Variants in CFAP57 observed in about 807,000 individuals in gnomAD.
CFAP57 encodes the protein cilia- and flagella-associated protein 57.
CFAP57 carries 116 observed loss-of-function variants against 146.8 expected under a neutral mutation model. The ratio of observed to expected loss-of-function variants is 0.79; its 90% CI spans 0.68 to 0.92. CFAP57 has a LOEUF of 0.92. Ranked by LOEUF, CFAP57 falls within the 40% of genes least tolerant of loss-of-function variation. CFAP57 has a pLI of 0.00. For synonymous variants in CFAP57, 518 were observed against 552.8 expected (o/e 0.94, Z 0.88); for missense variants, 1,377 against 1,527.2 (o/e 0.90, Z 1.64).
chr1:43,206,789 G>A lies in CFAP57; in HGVS notation c.1612G>A (p.Glu538Lys). 6.2e-7 allele frequency: 1 copy of A among 1,614,066 alleles called. No individual in the cohort carries two copies. Among genetic ancestry groups the A allele is most frequent in the Non-Finnish European group, 8.5e-7 (1 of 1,180,026 alleles). The change falls in exon 10 of 23, where the codon GAA becomes AAA. Residue 538 changes from glutamate (E) to lysine (K), a missense_variant. Physicochemically the swap from Glu to Lys is moderately conservative, Grantham distance 56 (BLOSUM62 1). Coordinates refer to ENST00000372492, the MANE Select transcript of CFAP57 (RefSeq NM_001378189.1). The stretch of plus-strand genomic sequence containing the variant: ...TGGTGGCACAGATGGTGCTGTGTAT[G>A]AATGGAATCTGTCCACAGGAAAGAG... Reference protein sequence around the residue: ...ISGGTDGAVYEWNLSTGKRET... With the variant: ...ISGGTDGAVYKWNLSTGKRET...
In CFAP57 at chr1:43,172,388, T is replaced by C. The variant is rs1446045693; in HGVS notation, c.-85T>C. The C allele has an allele frequency of 1.3e-6, 2 of 1,551,326 alleles. No homozygotes were observed. Among genetic ancestry groups the C allele is most frequent in the African/African-American group, 2.7e-5 (2 of 72,950 alleles). On this transcript the variant is annotated 5_prime_UTR_variant, in exon 1 of 23. Transcript: ENST00000372492. Reference sequence around the variant, plus strand: ...CGGCGTTTGAAAGTGTCCGGGTTGCTTAGGATCCCTACAGGTAGCGCCTCT... The same window carrying C: ...CGGCGTTTGAAAGTGTCCGGGTTGCCTAGGATCCCTACAGGTAGCGCCTCT...
chr1:43,195,148 T>A (rs1266696046), intron 6 of CFAP57, among the ~76,000 whole-genome samples: 1 of 152,084 alleles, frequency 6.6e-6, no homozygotes, highest in Non-Finnish European at 1.5e-5. Flanking sequence ...TAATTCTTGG[T>A]CAAATAGAGA....
chr1:43,232,378 A>C, intron 18 of CFAP57, 130 bp from the exon 19 acceptor site: 2 of 709,130 alleles, frequency 2.8e-6, no homozygotes, highest in Non-Finnish European at 4.8e-6. Flanking sequence ...TCCAGAGGAC[A>C]CAGAAGGGGA....
At chr1:43,199,912 C>T (rs556299360) in intron 9 of CFAP57, among the ~76,000 whole-genome samples, 7 of 152,232 alleles carry the variant, frequency 4.6e-5, no homozygotes, top group East Asian at 1.9e-4. Context: ...CAGGATAAAC[C>T]GTGGGGTAAA....
chr1:43,234,082 A>G (rs77884150), intron 19 of CFAP57, among the ~76,000 whole-genome samples, 197 bp from the exon 20 acceptor site: 2,760 of 152,250 alleles, frequency 0.018, 72 homozygotes, highest in African/African-American at 0.064. Flanking sequence ...GGGCAGGTGC[A>G]CAAGACTTTT....
chr1:43,178,665 G>T (rs1469871083), intron 2 of CFAP57, among the ~76,000 whole-genome samples: 1 of 152,196 alleles, frequency 6.6e-6, no homozygotes, highest in East Asian at 1.9e-4. Flanking sequence ...AGAGAAATAA[G>T]AACACTTTTA....
At chr1:43,222,039 G>C in intron 14 of CFAP57, 66 bp from the exon 15 acceptor site, 1 of 1,421,970 alleles carries the variant, frequency 7.0e-7, no homozygotes. Flanking sequence ...AGCGCCCAAG[G>C]CTCCTGGGTG....
In CFAP57 at chr1:43,186,846, C is replaced by T. The variant is rs370557614; in HGVS notation, c.1109C>T (p.Thr370Ile). 1.9e-6 allele frequency: 3 copies of T among 1,614,044 alleles called. No individual in the cohort carries two copies. The highest frequency in any genetic ancestry group is 2.7e-5 in the African/African-American group (2 of 74,928). The change falls in exon 6 of 23, where the codon ACA becomes ATA. Residue 370 changes from threonine to isoleucine, a missense_variant. Coordinates refer to ENST00000372492, the MANE Select transcript of CFAP57 (RefSeq NM_001378189.1). Reference protein sequence around the residue: ...NQLYSITMSLTEISKGEPAHF... With the variant: ...NQLYSITMSLIEISKGEPAHF... ...CTCTACAGCATCACCATGTCCCTGACAGAGATCAGCAAGGTGAGTCTTTCC... is the reference window on the plus strand; with the variant it reads ...CTCTACAGCATCACCATGTCCCTGATAGAGATCAGCAAGGTGAGTCTTTCC...
At chr1:43,192,625 A>C (rs1018502491) in intron 6 of CFAP57, among the ~76,000 whole-genome samples, 5 of 149,698 alleles carry the variant, frequency 3.3e-5, no homozygotes, top group African/African-American at 1.2e-4. Context: ...CTCCATCTCA[A>C]AAATAAATCA....
chr1:43,224,000 G>C, intron 16 of CFAP57, 46 bp from the exon 17 acceptor site: 1 of 1,546,478 alleles, frequency 6.5e-7, no homozygotes. Flanking sequence ...GGATGGAGAT[G>C]AGTTCTGACT....
chr1:43,188,317 T>C (rs1643280372), intron 6 of CFAP57, among the ~76,000 whole-genome samples: 1 of 152,218 alleles, frequency 6.6e-6, no homozygotes, highest in Non-Finnish European at 1.5e-5. Flanking sequence ...AATTGCTGAG[T>C]CATATGGTAA....
At chr1:43,208,666 G>A (rs1210384196) in intron 10 of CFAP57, among the ~76,000 whole-genome samples, 1 of 152,156 alleles carries the variant, frequency 6.6e-6, no homozygotes, top group Non-Finnish European at 1.5e-5. Context: ...AACAGGGAGG[G>A]ATAGCATTAG....
At chr1:43,185,853 G>A (rs1643035080) in intron 5 of CFAP57, among the ~76,000 whole-genome samples, 1 of 151,830 alleles carries the variant, frequency 6.6e-6, no homozygotes, top group African/African-American at 2.4e-5. Context: ...AGGAAGCAGA[G>A]GTTGCAGTGA....
In CFAP57 at chr1:43,198,416, A is replaced by C. The variant is rs1643957983; in HGVS notation, c.1263-65A>C. On this transcript the variant is annotated intron_variant, in intron 7 of 22. Transcript: ENST00000372492. The stretch of plus-strand genomic sequence containing the variant: ...ACGATGATAACAATATATATCAGAT[A>C]CAGTAGATGACTGGAAGGATTTAGT... 4 of 1,518,394 alleles carry C rather than the reference A, an allele frequency of 2.6e-6. No individual in the cohort carries two copies. In the African/African-American group the frequency reaches 5.5e-5, roughly 21 times the overall value. The allele number at this position is 1,518,394 out of a possible 1,614,324, so 94.1% of individuals were successfully genotyped here.
In CFAP57 at chr1:43,222,174, G is replaced by C; in HGVS notation, c.2411G>C (p.Arg804Thr). The stretch of plus-strand genomic sequence containing the variant: ...CAGGAGCTGCAGCTCAAGTCCCAGA[G>C]GATGCAGGAAGAGTATGAAAAACAG... ...KYQELQLKSQ[R>T]MQEEYEKQLR... The change falls in exon 15 of 23, where the codon AGG (arginine) becomes ACG (threonine). Residue 804 changes from arginine (R) to threonine (T), a missense_variant. By Grantham distance (71) the Arg-to-Thr change is moderately conservative (BLOSUM62 -1). Coordinates refer to ENST00000372492, the MANE Select transcript of CFAP57 (RefSeq NM_001378189.1). The C allele has an allele frequency of 1.9e-6, 3 of 1,547,694 alleles. No homozygotes were observed. The highest frequency in any genetic ancestry group is 2.6e-6 in the Non-Finnish European group (3 of 1,145,246).
chr1:43,252,226 G>A (rs1646342352), intron 22 of CFAP57, among the ~76,000 whole-genome samples: 1 of 152,134 alleles, frequency 6.6e-6, no homozygotes, highest in African/African-American at 2.4e-5. Context: ...AGAAACTAAA[G>A]GTTGACTAGA....
intron 2 of CFAP57, 26 bp from the exon 3 acceptor site, chr1:43,181,508 T>C: frequency 6.2e-7 from 1 of 1,613,514 alleles, no homozygotes. Context: ...TCTACCCTGA[T>C]TATTTCCTTT....
At chr1:43,185,004 C>A in intron 4 of CFAP57, 145 bp from the exon 5 acceptor site, 1 of 880,482 alleles carries the variant, frequency 1.1e-6, no homozygotes, top group Non-Finnish European at 1.8e-6. Context: ...GGTTCCCAAG[C>A]CAAAGGGTAG....
chr1:43,195,604 A>G (rs535346333), intron 6 of CFAP57, among the ~76,000 whole-genome samples: 2 of 152,324 alleles, frequency 1.3e-5, no homozygotes, highest in South Asian at 2.1e-4. Context: ...GACAATCCAC[A>G]TGTTCATTCC....
Sources: allele counts gnomAD v4.1 joint callset (sites outside exome capture counted in the v4.1 genomes callset), GRCh38; gene constraint gnomAD v4.1.1; transcripts MANE v1.5; gene names NCBI Gene and HGNC (gene_info 2026-07-23, HGNC 2026-07-21).